Variants in CHD7 observed in about 807,000 individuals in gnomAD.
The protein encoded by CHD7 is chromodomain helicase DNA binding protein 7, also known as ATP-dependent chromatin remodeler CHD7.
In CHD7, 24 loss-of-function variants were observed where a neutral mutation model predicts 307.3. The observed-to-expected ratio is 0.08, with a 90% CI of 0.06 to 0.11. CHD7 has a LOEUF of 0.11. Ranked by LOEUF, CHD7 falls within the 10% of genes least tolerant of loss-of-function variation. CHD7 has a pLI of 1.00. For synonymous variants in CHD7, 1,363 were observed against 1,349.9 expected, an observed-to-expected ratio of 1.01 and a Z score of -0.21; for missense variants, 3,106 against 3,727.1, an observed-to-expected ratio of 0.83 and a Z score of 4.34.
chr8:60,720,796 G>C, intron 1 of CHD7, among the ~76,000 whole-genome samples: 1 of 152,192 alleles, frequency 6.6e-6, no homozygotes, highest in East Asian at 1.9e-4. Flanking sequence ...GGGTAACAAG[G>C]ATTAAATGAA....
At position 60,860,897 on chromosome 8, in the gene CHD7, T is replaced by C. The variant is rs745569961; in HGVS notation, c.7609-7T>C. Reference sequence around the variant, plus strand: ...TGAGAATTCATACCATTGTGAACTTTCTGCAGGAGGATGCTGAGGTGACCA... The same window carrying C: ...TGAGAATTCATACCATTGTGAACTTCCTGCAGGAGGATGCTGAGGTGACCA... On this transcript the variant is annotated splice_region_variant and splice_polypyrimidine_tract_variant and intron_variant, in intron 34 of 37. Coordinates refer to ENST00000423902, the MANE Select transcript of CHD7 (RefSeq NM_017780.4). 6.2e-7 allele frequency: 1 copy of C among 1,606,154 alleles called. No homozygotes were observed. Among genetic ancestry groups the C allele is most frequent in the East Asian group, 2.2e-5 (1 of 44,820 alleles).
intron 2 of CHD7, among the ~76,000 whole-genome samples, chr8:60,743,357 A>T (rs1173696932): frequency 1.3e-5 from 2 of 152,226 alleles, no homozygotes; most frequent in African/African-American, 4.8e-5. Flanking sequence ...TAGCAGGGAG[A>T]TGGACAGAGG....
chr8:60,836,373 A>G, intron 16 of CHD7, 90 bp downstream of exon 16: 2 of 1,042,780 alleles, frequency 1.9e-6, no homozygotes, highest in South Asian at 1.7e-5. Flanking sequence ...GGAATCTATG[A>G]TAAAGGGGCT....
At chr8:60,750,126 T>C (rs1338526142) in intron 2 of CHD7, among the ~76,000 whole-genome samples, 2 of 152,254 alleles carry the variant, frequency 1.3e-5, no homozygotes, top group Non-Finnish European at 2.9e-5. Context: ...TATTGTTTTA[T>C]GTGACATCAA....
In CHD7 at chr8:60,841,715, T is replaced by C. The variant is rs530345787; in HGVS notation, c.4605T>C (p.Ala1535=). ...ATCCAAATTTCTGGCAAAAGTGGGCTAAGAAGGCTGAATTGGATATTGATG... is the reference window on the plus strand; with the variant it reads ...ATCCAAATTTCTGGCAAAAGTGGGCCAAGAAGGCTGAATTGGATATTGATG... ...LDDPNFWQKW[A]KKAELDIDAL... Residue 1535 remains alanine (A), a synonymous_variant, in exon 20 of 38, where the codon GCT becomes GCC. Transcript: ENST00000423902. 8 of 1,609,588 alleles carry C rather than the reference T, an allele frequency of 5.0e-6. No homozygotes were observed. Among genetic ancestry groups the C allele is most frequent in the Non-Finnish European group, 6.8e-6 (8 of 1,176,186 alleles).
intron 2 of CHD7, among the ~76,000 whole-genome samples, chr8:60,764,599 A>G (rs1040003758): frequency 2.6e-5 from 4 of 152,206 alleles, no homozygotes; most frequent in Middle Eastern, 3.2e-3. Flanking sequence ...AAGATGAGGT[A>G]AGAAGCTCAT....
chr8:60,751,792 T>C (rs1288772933), intron 2 of CHD7, among the ~76,000 whole-genome samples: 1 of 152,150 alleles, frequency 6.6e-6, no homozygotes, highest in Non-Finnish European at 1.5e-5. Flanking sequence ...TAGGACATGA[T>C]TACAGGTGAT....
chr8:60,737,846 T>G (rs1808786117), intron 1 of CHD7, among the ~76,000 whole-genome samples: 1 of 152,214 alleles, frequency 6.6e-6, no homozygotes, highest in African/African-American at 2.4e-5. Flanking sequence ...AGTTCTTATT[T>G]AAGAGATGCA....
intron 15 of CHD7, among the ~76,000 whole-genome samples, chr8:60,833,416 T>C (rs1393908377): frequency 6.6e-6 from 1 of 152,234 alleles, no homozygotes; most frequent in East Asian, 1.9e-4. Flanking sequence ...TGCTGGTTAT[T>C]GTTTGAGGCA....
rs900632243 is a variant in CHD7 at position 60,691,751 on chromosome 8, G to A, written c.-175+12669G>A. On this transcript the variant is annotated intron_variant, in intron 1 of 37. Transcript: ENST00000423902. ...TTGGTCTTTAAGGAAGATTAGAATA[G>A]TGAGCTGGACCGAGGTAACTTTCTT... 5.9e-5 allele frequency among the ~76,000 whole-genome samples: 9 copies of A among 152,218 alleles called. No individual in the cohort carries two copies. In the South Asian group the frequency reaches 1.9e-3, roughly 31 times the overall value.
Position 60,834,297 on chromosome 8 carries a change from A to T in CHD7, c.3779-1776A>T, listed in dbSNP as rs77844434. 6.5e-3 allele frequency among the ~76,000 whole-genome samples: 983 copies of T among 152,344 alleles called. 13 individuals are homozygous for T. The highest frequency in any genetic ancestry group is 0.029 in the South Asian group (140 of 4,828). On this transcript the variant is annotated intron_variant, in intron 15 of 37. Transcript: ENST00000423902. ...AAATGGCTAAAATACTATATTTTAT[A>T]TTGTGGATTTTAACTTAGTATGGAC...
intron 2 of CHD7, among the ~76,000 whole-genome samples, chr8:60,754,098 A>T (rs1218803316): frequency 2.0e-5 from 3 of 151,946 alleles, no homozygotes; most frequent in Non-Finnish European, 4.4e-5. Flanking sequence ...TAAGCCTCTC[A>T]CCCCTCCACT....
At chr8:60,760,403 T>A (rs1278349150) in intron 2 of CHD7, among the ~76,000 whole-genome samples, 1 of 147,466 alleles carries the variant, frequency 6.8e-6, no homozygotes, top group Admixed American at 6.8e-5. Context: ...GAAGAAAACC[T>A]AGGCATTACC....
intron 1 of CHD7, among the ~76,000 whole-genome samples, chr8:60,727,114 C>T (rs1484456602): frequency 6.6e-6 from 1 of 152,042 alleles, no homozygotes; most frequent in African/African-American, 2.4e-5. Context: ...TTATTATCCC[C>T]ATTTTATTTT....
chr8:60,706,867 C>G (rs1807046544), intron 1 of CHD7, among the ~76,000 whole-genome samples: 1 of 152,004 alleles, frequency 6.6e-6, no homozygotes, highest in Admixed American at 6.6e-5. Context: ...ATGTGCACAA[C>G]ATGCAGGTTT....
intron 3 of CHD7, among the ~76,000 whole-genome samples, chr8:60,785,715 AC>A (rs1226127330): frequency 1.3e-5 from 2 of 152,350 alleles, no homozygotes; most frequent in South Asian, 4.1e-4. Context: ...CACAAAAGTA[AC>A]CCATTATGCT....
intron 2 of CHD7, among the ~76,000 whole-genome samples, chr8:60,746,100 C>A (rs1397646657): frequency 2.0e-5 from 3 of 152,184 alleles, no homozygotes; most frequent in African/African-American, 7.2e-5. Flanking sequence ...GTGGCGCAAT[C>A]TTGGCTCACT....
Position 60,838,265 on chromosome 8 carries a change from G to A in CHD7, c.4533+10G>A, listed in dbSNP as rs1158235448. On this transcript the variant is annotated intron_variant, in intron 19 of 37. Transcript: ENST00000423902. ...TTCCACATTTGCTAAGGTGTGAATC[G>A]ATCTAAAGAGGCCAGGTTTTCCATA... The A allele has an allele frequency of 3.8e-6, 6 of 1,594,600 alleles. No individual in the cohort carries two copies. The highest frequency in any genetic ancestry group is 1.8e-5 in the Admixed American group (1 of 56,934).
chr8:60,728,347 C>G (rs1248884524), intron 1 of CHD7, among the ~76,000 whole-genome samples: 1 of 152,176 alleles, frequency 6.6e-6, no homozygotes, highest in Non-Finnish European at 1.5e-5. Context: ...AAAACCCACC[C>G]CTCACTTATG....
Sources: allele counts gnomAD v4.1 joint callset (sites outside exome capture counted in the v4.1 genomes callset), GRCh38; gene constraint gnomAD v4.1.1; transcripts MANE v1.5; gene names NCBI Gene and HGNC (gene_info 2026-07-23, HGNC 2026-07-21).